The following SSBP2 variants were observed in gnomAD, a reference collection of about 807,000 sequenced individuals.
SSBP2 encodes the protein single-stranded DNA-binding protein 2.
A neutral mutation model predicts 61.8 loss-of-function variants in SSBP2; 17 were observed. That is an observed-to-expected ratio of 0.28 (90% CI 0.19 to 0.41). The LOEUF (loss-of-function observed/expected upper bound fraction) is 0.41, where lower values mean the gene tolerates loss of function less well. Among genes scored for constraint, SSBP2 ranks in the 10% least tolerant of loss-of-function variants. The pLI, the probability that SSBP2 is intolerant of heterozygous loss-of-function variation, is 1.00. For missense variants in SSBP2, 310 were observed against 458.7 expected (o/e 0.68, Z 2.96); for synonymous variants, 139 against 141.3 (o/e 0.98, Z 0.12).
intron 6 of SSBP2, 45 bp downstream of exon 6, chr5:81,489,205 G>T: frequency 4.8e-6 from 7 of 1,453,258 alleles, no homozygotes; most frequent in African/African-American, 1.4e-5. Flanking sequence ...ACATTTTCAA[G>T]ATCTTTGATT....
At chr5:81,598,417 T>C (rs1387263701) in intron 4 of SSBP2, among the ~76,000 whole-genome samples, 2 of 151,490 alleles carry the variant, frequency 1.3e-5, no homozygotes, top group African/African-American at 4.8e-5. Context: ...GAATCAAATA[T>C]CATGGAGAAG....
chr5:81,481,945 TA>T (rs1183564338), intron 6 of SSBP2, among the ~76,000 whole-genome samples: 1 of 151,918 alleles, frequency 6.6e-6, no homozygotes, highest in Non-Finnish European at 1.5e-5. Context: ...AGATTTAGTA[TA>T]AAATTTTTTT....
intron 3 of SSBP2, chr5:81,616,520 G>C (rs1352002392): frequency 6.7e-6 from 1 of 150,022 alleles, no homozygotes; most frequent in Non-Finnish European, 1.5e-5. Context: ...CAGCGAGGCT[G>C]GGGGAGGGGC....
chr5:81,439,635 G>C (rs1762887755), intron 14 of SSBP2, among the ~76,000 whole-genome samples: 1 of 149,614 alleles, frequency 6.7e-6, no homozygotes, highest in Non-Finnish European at 1.5e-5. Context: ...TGAGTAACTG[G>C]GATTACAGGC....
chr5:81,566,824 T>C (rs1403052382), intron 4 of SSBP2, among the ~76,000 whole-genome samples: 1 of 152,212 alleles, frequency 6.6e-6, no homozygotes, highest in Non-Finnish European at 1.5e-5. Flanking sequence ...GAGGAACTTG[T>C]TGGGAACTGG....
chr5:81,721,777 T>C (rs1755556311), intron 1 of SSBP2, among the ~76,000 whole-genome samples: 1 of 152,068 alleles, frequency 6.6e-6, no homozygotes, highest in South Asian at 2.1e-4. Flanking sequence ...TCCTGAACCA[T>C]TTCATCAGCA....
At chr5:81,496,850 T>C (rs902678688) in intron 5 of SSBP2, among the ~76,000 whole-genome samples, 1 of 152,238 alleles carries the variant, frequency 6.6e-6, no homozygotes, top group African/African-American at 2.4e-5. Flanking sequence ...CACACACTTA[T>C]GTACCAGGCT....
At chr5:81,671,875 TA>T (rs1452927207) in intron 1 of SSBP2, among the ~76,000 whole-genome samples, 2 of 152,004 alleles carry the variant, frequency 1.3e-5, no homozygotes, top group Non-Finnish European at 2.9e-5. Flanking sequence ...TAACAGGAAT[TA>T]AGGGAAATGG....
chr5:81,729,217 C>T (rs1263936534), intron 1 of SSBP2, among the ~76,000 whole-genome samples: 1 of 152,098 alleles, frequency 6.6e-6, no homozygotes, highest in African/African-American at 2.4e-5. Flanking sequence ...GTTAAACTTA[C>T]TCATTTTTAT....
At chr5:81,641,552 A>G (rs1748787981) in intron 2 of SSBP2, among the ~76,000 whole-genome samples, 1 of 152,198 alleles carries the variant, frequency 6.6e-6, no homozygotes, top group Non-Finnish European at 1.5e-5. Flanking sequence ...GTATGTCCAC[A>G]GAAGAGATGG....
In SSBP2 at chr5:81,461,450, A is replaced by C. The variant is rs190316400; in HGVS notation, c.639-347T>G. On this transcript the variant is annotated intron_variant, in intron 9 of 16. Transcript: ENST00000320672. ...TAGTGAAAAGTATTATGAACTAAAT[A>C]TAAACCATAACCTTGTGATATCAAT... 2.0e-3 allele frequency among the ~76,000 whole-genome samples: 300 copies of C among 152,262 alleles called. 1 individual carries two copies. Among genetic ancestry groups the C allele is most frequent in the Non-Finnish European group, 2.7e-3 (183 of 67,976 alleles).
chr5:81,714,036 T>C (rs1754993254), intron 1 of SSBP2, among the ~76,000 whole-genome samples: 1 of 152,154 alleles, frequency 6.6e-6, no homozygotes, highest in Non-Finnish European at 1.5e-5. Context: ...TAGGTATTTA[T>C]CCTAATGCTA....
At chr5:81,473,825 G>T in intron 7 of SSBP2, 55 bp from the exon 8 acceptor site, 1 of 1,494,516 alleles carries the variant, frequency 6.7e-7, no homozygotes, top group Non-Finnish European at 9.3e-7. Context: ...CTAAACCAGA[G>T]GCTAGCAGCT....
At chr5:81,527,540 A>T (rs180813330) in intron 4 of SSBP2, among the ~76,000 whole-genome samples, 8 of 152,196 alleles carry the variant, frequency 5.3e-5, no homozygotes, top group African/African-American at 1.9e-4. Flanking sequence ...TGGGAGAAGC[A>T]TAAGTTAATC....
At chr5:81,749,990 G>A (rs1033058550) in intron 1 of SSBP2, among the ~76,000 whole-genome samples, 3 of 151,968 alleles carry the variant, frequency 2.0e-5, no homozygotes, top group Non-Finnish European at 4.4e-5. Context: ...GGGCGCCCCC[G>A]GCGGCTCCCA....
chr5:81,658,060 A>T (rs913698179), intron 1 of SSBP2, among the ~76,000 whole-genome samples: 1 of 152,124 alleles, frequency 6.6e-6, no homozygotes, highest in Non-Finnish European at 1.5e-5. Context: ...GTGTGGTGAG[A>T]ACACTTAAAA....
At chr5:81,705,013 T>A (rs1011681466) in intron 1 of SSBP2, among the ~76,000 whole-genome samples, 3 of 152,072 alleles carry the variant, frequency 2.0e-5, no homozygotes, top group Non-Finnish European at 4.4e-5. Context: ...TTATAGCACA[T>A]ACTTTGGAAG....
At position 81,611,251 on chromosome 5, in the gene SSBP2, G is replaced by A. The variant is rs149816035; in HGVS notation, c.282+4222C>T. 3.9e-5 allele frequency among the ~76,000 whole-genome samples: 6 copies of A among 152,224 alleles called. No homozygotes were observed. The East Asian group carries it at 9.6e-4, about 24-fold the overall frequency. On this transcript the variant is annotated intron_variant, in intron 4 of 16. Transcript: ENST00000320672. ...TAATAATTCAAATCTATAGTTTCGG[G>A]TAAGTGAAAGATGAGTTTTGCTAAT...
At chr5:81,488,059 A>AC (rs1561459572) in intron 6 of SSBP2, among the ~76,000 whole-genome samples, 1 of 65,328 alleles carries the variant, frequency 1.5e-5, no homozygotes, top group African/African-American at 7.9e-5. Flanking sequence ...ATATATATAT[A>AC]AATAAAATAT....
Sources: allele counts gnomAD v4.1 joint callset (sites outside exome capture counted in the v4.1 genomes callset), GRCh38; gene constraint gnomAD v4.1.1; transcripts MANE v1.5; gene names NCBI Gene and HGNC (gene_info 2026-07-23, HGNC 2026-07-21).